Variants in DLG2 observed in about 807,000 individuals in gnomAD.
The protein encoded by DLG2 is disks large homolog 2.
A neutral mutation model predicts 132.5 loss-of-function variants in DLG2; 45 were observed. The ratio of observed to expected loss-of-function variants is 0.34; its 90% CI spans 0.27 to 0.44. The LOEUF (loss-of-function observed/expected upper bound fraction) is 0.44, where lower values mean the gene tolerates loss of function less well. DLG2 is among the 20% of genes least tolerant of loss of function. DLG2 has a pLI of 1.00. For synonymous variants in DLG2, 424 were observed against 419.6 expected, an observed-to-expected ratio of 1.01 and a Z score of -0.13; for missense variants, 1,045 against 1,196.9, an observed-to-expected ratio of 0.87 and a Z score of 1.87.
intron 7 of DLG2, among the ~76,000 whole-genome samples, chr11:84,412,546 A>G (rs1006864996): frequency 6.6e-6 from 1 of 152,230 alleles, no homozygotes; most frequent in Non-Finnish European, 1.5e-5. Flanking sequence ...ATTTGCCCAA[A>G]GTAATACAAC....
At chr11:83,570,519 A>G (rs968207854) in intron 19 of DLG2, among the ~76,000 whole-genome samples, 8 of 152,168 alleles carry the variant, frequency 5.3e-5, no homozygotes, top group African/African-American at 1.9e-4. Context: ...AATTTCCTTT[A>G]TCATTTTATT....
rs752555132 is a variant in DLG2, at chr11:84,059,364, T to C, written c.870A>G (p.Arg290=). ...SIVRLYVRRR[R]PILETVVEIK... ...TTTCCACAACGGTCTCCAAAATAGGTCGTCTTCTACGCACATACAGCCGAA... is the reference window on the plus strand; with the variant it reads ...TTTCCACAACGGTCTCCAAAATAGGCCGTCTTCTACGCACATACAGCCGAA... The change falls in exon 11 of 28, where the codon CGA becomes CGG. Residue 290 remains arginine (R), a synonymous_variant. Coordinates refer to ENST00000376104, the MANE Select transcript of DLG2 (RefSeq NM_001142699.3). 13 of 1,613,530 alleles carry C rather than the reference T, an allele frequency of 8.1e-6. No individual in the cohort carries two copies. The African/African-American group carries it at 1.2e-4, about 15-fold the overall frequency.
intron 21 of DLG2, among the ~76,000 whole-genome samples, chr11:83,527,702 G>A (rs1280594026): frequency 6.6e-6 from 1 of 151,890 alleles, no homozygotes. Flanking sequence ...ACTTTAGAAA[G>A]GGTTTACAAC....
chr11:85,507,223 A>G (rs2093956376), intron 3 of DLG2, among the ~76,000 whole-genome samples: 1 of 152,158 alleles, frequency 6.6e-6, no homozygotes, highest in African/African-American at 2.4e-5. Context: ...TAAGGTTAAT[A>G]ACGTTATGTG....
At chr11:83,638,482 G>A (rs1038831411) in intron 18 of DLG2, among the ~76,000 whole-genome samples, 15 of 152,146 alleles carry the variant, frequency 9.9e-5, no homozygotes, top group African/African-American at 3.4e-4. Context: ...AAAGATTGGC[G>A]CTTGGTAATG....
intron 6 of DLG2, among the ~76,000 whole-genome samples, chr11:85,024,299 AT>A (rs2060328137): frequency 6.6e-6 from 1 of 152,200 alleles, no homozygotes; most frequent in Non-Finnish European, 1.5e-5. Context: ...TGGGAAATGT[AT>A]CTGACGCACA....
chr11:84,693,230 T>C (rs2058245131), intron 6 of DLG2, among the ~76,000 whole-genome samples: 1 of 151,834 alleles, frequency 6.6e-6, no homozygotes, highest in Non-Finnish European at 1.5e-5. Context: ...TGTATGTTTG[T>C]AGGCTTATAA....
intron 3 of DLG2, among the ~76,000 whole-genome samples, chr11:85,562,968 T>TA (rs1170085957): frequency 6.6e-5 from 10 of 151,814 alleles, no homozygotes; most frequent in African/African-American, 2.2e-4. Flanking sequence ...TCTTCAGGAT[T>TA]AAATATATAT....
intron 3 of DLG2, among the ~76,000 whole-genome samples, chr11:85,312,513 T>G (rs1260472619): frequency 1.3e-5 from 2 of 151,840 alleles, no homozygotes; most frequent in Admixed American, 1.3e-4. Flanking sequence ...TTGATAATGA[T>G]CATTGTTTTT....
intron 3 of DLG2, among the ~76,000 whole-genome samples, chr11:85,385,807 G>C (rs1457717452): frequency 6.6e-6 from 1 of 152,160 alleles, no homozygotes; most frequent in Non-Finnish European, 1.5e-5. Context: ...TGTGGGGAGA[G>C]AACTGAACTT....
At chr11:83,788,123 A>G (rs920460839) in intron 17 of DLG2, among the ~76,000 whole-genome samples, 4 of 152,230 alleles carry the variant, frequency 2.6e-5, no homozygotes, top group Non-Finnish European at 5.9e-5. Context: ...TGATTAGCTT[A>G]TACACGTTCA....
chr11:85,465,544 G>T (rs549813666), intron 3 of DLG2, among the ~76,000 whole-genome samples: 2 of 152,186 alleles, frequency 1.3e-5, no homozygotes, highest in South Asian at 4.2e-4. Flanking sequence ...CTATGAGTGA[G>T]AACATGTGGT....
At chr11:85,594,082 G>A (rs1031689840) in intron 3 of DLG2, among the ~76,000 whole-genome samples, 4 of 152,076 alleles carry the variant, frequency 2.6e-5, no homozygotes, top group Non-Finnish European at 5.9e-5. Context: ...ATAAAAAGGG[G>A]CAGAAGTATA....
chr11:84,567,059 T>G (rs941094814), intron 6 of DLG2, among the ~76,000 whole-genome samples: 1 of 152,086 alleles, frequency 6.6e-6, no homozygotes, highest in African/African-American at 2.4e-5. Flanking sequence ...ACATTTCCAG[T>G]GGTATGCTTA....
At chr11:85,226,899 T>C (rs910112987) in intron 4 of DLG2, among the ~76,000 whole-genome samples, 5 of 152,144 alleles carry the variant, frequency 3.3e-5, no homozygotes, top group African/African-American at 9.7e-5. Flanking sequence ...ATATTGTCTG[T>C]GGTAGTTTAA....
At chr11:84,182,289 G>T (rs1255082657) in intron 8 of DLG2, among the ~76,000 whole-genome samples, 1 of 151,916 alleles carries the variant, frequency 6.6e-6, no homozygotes, top group East Asian at 1.9e-4. Context: ...AAGAGAAATT[G>T]GAAAGTATTT....
intron 7 of DLG2, among the ~76,000 whole-genome samples, chr11:84,516,207 A>G (rs1171581685): frequency 2.6e-5 from 4 of 151,556 alleles, no homozygotes; most frequent in African/African-American, 9.7e-5. Flanking sequence ...AAAGTTAATA[A>G]AAGGACGGAA....
chr11:83,818,952 C>T (rs2049895949), intron 17 of DLG2, among the ~76,000 whole-genome samples: 2 of 152,132 alleles, frequency 1.3e-5, no homozygotes, highest in South Asian at 4.1e-4. Flanking sequence ...TATGCAAATC[C>T]ACTGCCATCT....
chr11:85,126,616 T>C (rs888859909), intron 5 of DLG2, among the ~76,000 whole-genome samples: 6 of 152,112 alleles, frequency 3.9e-5, no homozygotes, highest in African/African-American at 1.4e-4. Context: ...TTTTTTCTGA[T>C]ACATCAAGCC....
Sources: gnomAD v4.1 joint callset for allele counts (sites outside exome capture counted in the v4.1 genomes callset) on GRCh38, gnomAD v4.1.1 for gene constraint, MANE v1.5 for transcripts, NCBI Gene and HGNC (gene_info 2026-07-23, HGNC 2026-07-21) for gene names.